Variants in CFAP46 observed in about 807,000 individuals in gnomAD.
CFAP46 encodes cilia and flagella associated protein 46.
A neutral mutation model predicts 325.7 loss-of-function variants in CFAP46; 245 were observed. The ratio of observed to expected loss-of-function variants is 0.75; its 90% CI spans 0.68 to 0.84. The LOEUF (loss-of-function observed/expected upper bound fraction) is 0.84, where lower values mean the gene tolerates loss of function less well. CFAP46 is among the 40% of genes least tolerant of loss of function. The pLI, the probability that CFAP46 is intolerant of heterozygous loss-of-function variation, is 0.00. For missense variants in CFAP46, 3,346 were observed against 3,543.0 expected, an observed-to-expected ratio of 0.94 and a Z score of 1.41; for synonymous variants, 1,523 against 1,495.9, an observed-to-expected ratio of 1.02 and a Z score of -0.42.
At chr10:132,924,041 G>A (rs1451715324) in intron 11 of CFAP46, among the ~76,000 whole-genome samples, 5 of 152,082 alleles carry the variant, frequency 3.3e-5, no homozygotes, top group Non-Finnish European at 5.9e-5. Flanking sequence ...TTGTGCTGAC[G>A]GCAACGAAGA....
intron 7 of CFAP46, among the ~76,000 whole-genome samples, chr10:132,936,313 G>A (rs1275090683): frequency 1.3e-5 from 1 of 77,846 alleles, no homozygotes; most frequent in Non-Finnish European, 2.4e-5. Flanking sequence ...AACACACTGC[G>A]ATCTCCTCAC....
chr10:132,856,747 G>T (rs1848647890), intron 39 of CFAP46, among the ~76,000 whole-genome samples: 1 of 152,154 alleles, frequency 6.6e-6, no homozygotes, highest in Admixed American at 6.5e-5. Context: ...TGTGCCCATT[G>T]ATCAATTTGC....
In CFAP46 at chr10:132,877,862, G is replaced by A. The variant is rs185718393; in HGVS notation, c.4212+19C>T. Reference sequence around the variant, plus strand: ...CCATCCTGGGCCCGGCCTCTGCACCGTGGCCACTTGGGCATCACCTGCTTG... The same window carrying A: ...CCATCCTGGGCCCGGCCTCTGCACCATGGCCACTTGGGCATCACCTGCTTG... On this transcript the variant is annotated intron_variant, in intron 30 of 57. Transcript: ENST00000368586. The surrounding 1 kb of genome is among the most constrained non-coding windows in gnomAD (Gnocchi z 5.7). The A allele has an allele frequency of 1.6e-4, 248 of 1,548,068 alleles. No individual in the cohort carries two copies. Among genetic ancestry groups the A allele is most frequent in the Admixed American group, 4.3e-4 (22 of 50,902 alleles).
chr10:132,899,008 G>T lies in CFAP46; in HGVS notation c.3170C>A (p.Ala1057Asp), dbSNP rs1457247639. Residue 1057 changes from alanine (A) to aspartate (D), a missense_variant, in exon 24 of 58, where the codon GCC becomes GAC. By Grantham distance (126) the Ala-to-Asp change is moderately radical. Coordinates refer to ENST00000368586, the MANE Select transcript of CFAP46 (RefSeq NM_001200049.3). ...SAVYRKKAKG[A>D]LKRLIGIINK... ...GATGATGCCGATGAGCCTCTTCAGG[G>T]CACCCTTGGCCTTCTTCCTGTAGAC... 6.4e-7 allele frequency: 1 copy of T among 1,550,588 alleles called. No homozygotes were observed. The highest frequency in any genetic ancestry group is 1.2e-5 in the South Asian group (1 of 84,068).
chr10:132,867,791 C>A (rs956371241), intron 33 of CFAP46, among the ~76,000 whole-genome samples: 7 of 152,224 alleles, frequency 4.6e-5, no homozygotes, highest in Non-Finnish European at 5.9e-5. Flanking sequence ...GCGTGCCCAG[C>A]CCCGGCCCCG....
At chr10:132,878,367 G>A (rs912804323) in intron 29 of CFAP46, among the ~76,000 whole-genome samples, 3 of 152,180 alleles carry the variant, frequency 2.0e-5, no homozygotes, top group Non-Finnish European at 4.4e-5. Flanking sequence ...GGGACACAGC[G>A]GGACACCCCT....
At chr10:132,923,429 C>G (rs576402045) in intron 11 of CFAP46, among the ~76,000 whole-genome samples, 28 of 143,750 alleles carry the variant, frequency 1.9e-4, no homozygotes, top group Non-Finnish European at 2.4e-4. Context: ...CCTTGAGCAG[C>G]CATGTGGGGG....
chr10:132,824,845 CGCTGATGTGTGTGTGT>C (rs1237275776), intron 50 of CFAP46, among the ~76,000 whole-genome samples: 39 of 112,770 alleles, frequency 3.5e-4, no homozygotes, highest in African/African-American at 1.0e-3. Context: ...GCTGTGTGAG[CGCTGATGTGTGTGTGT>C]GCTGATGTGT....
At position 132,942,183 on chromosome 10, in the gene CFAP46, C is replaced by G. The variant is rs939995558; in HGVS notation, c.50-79G>C. On this transcript the variant is annotated intron_variant, in intron 1 of 57. Transcript: ENST00000368586. ...GCCGGGCAACGCCATCCCGAAGGCC[C>G]CAGGCAGCCGCCTTGGGCCCCCGGG... The G allele has an allele frequency of 4.7e-5, 72 of 1,519,606 alleles. No individual in the cohort carries two copies. The African/African-American group carries it at 9.5e-4, about 20-fold the overall frequency. The allele number at this position is 1,519,606 out of a possible 1,614,324, so 94.1% of individuals were successfully genotyped here.
chr10:132,823,430 T>C (rs1847936999), intron 50 of CFAP46, among the ~76,000 whole-genome samples: 2 of 142,582 alleles, frequency 1.4e-5, no homozygotes, highest in Admixed American at 6.9e-5. Context: ...TGAGTGCTGA[T>C]GTGTGCTGTG....
intron 50 of CFAP46, among the ~76,000 whole-genome samples, chr10:132,823,565 TGTGTGCTGTGTGCTGAC>T (rs1847944876): frequency 1.9e-5 from 2 of 108,086 alleles, no homozygotes; most frequent in Admixed American, 9.1e-5. Context: ...TGTGTGCTGA[TGTGTGCTGTGTGCTGAC>T]GTGTGCTGTG....
In CFAP46 at chr10:132,859,394, A is replaced by G. The variant is rs149070949; in HGVS notation, c.5199-147T>C. The G allele has an allele frequency of 1.6e-3, 1,027 of 654,282 alleles. 2 individuals are homozygous for G. Among genetic ancestry groups the G allele is most frequent in the Admixed American group, 3.9e-3 (129 of 33,022 alleles). The allele number at this position is 654,282 out of a possible 1,614,324, so 40.5% of individuals were successfully genotyped here. On this transcript the variant is annotated intron_variant, in intron 37 of 57. Transcript: ENST00000368586. ...AGCATTTCTCGAAAATCAACATCAT[A>G]TGGGCCTCATTCTGTGATCGCATGT...
At chr10:132,840,258 A>G (rs1848328006) in intron 44 of CFAP46, among the ~76,000 whole-genome samples, 4 of 152,214 alleles carry the variant, frequency 2.6e-5, no homozygotes, top group Admixed American at 2.6e-4. Context: ...TAAGGCTGTC[A>G]AGAACATTCT....
chr10:132,901,501 A>G (rs982537179), intron 22 of CFAP46, among the ~76,000 whole-genome samples: 2 of 152,088 alleles, frequency 1.3e-5, no homozygotes, highest in Non-Finnish European at 1.5e-5. Flanking sequence ...CCACGGCTCT[A>G]CCTCACCTGA....
chr10:132,933,513 C>T (rs1849946056), intron 8 of CFAP46, among the ~76,000 whole-genome samples: 1 of 152,220 alleles, frequency 6.6e-6, no homozygotes, highest in Non-Finnish European at 1.5e-5. Flanking sequence ...AAGACGTAAA[C>T]TCCTTCCAGA....
In CFAP46 at chr10:132,859,158, C is replaced by G; in HGVS notation, c.5288G>C (p.Gly1763Ala). ...CSLLLKEMDDGLLEIERKFID... is the reference protein window; with the variant it reads ...CSLLLKEMDDALLEIERKFID... ...AAACTTTCTCTCAATTTCCAACAGG[C>G]CATCATCCATCTCTTTCAGTAGCAA... Residue 1763 changes from glycine to alanine, a missense_variant, in exon 38 of 58, where the codon GGC becomes GCC. Gly to Ala is a moderately conservative substitution (Grantham distance 60). Transcript: ENST00000368586. The G allele has an allele frequency of 6.4e-7, 1 of 1,550,856 alleles. No homozygotes were observed. Among genetic ancestry groups the G allele is most frequent in the African/African-American group, 1.4e-5 (1 of 73,176 alleles).
intron 25 of CFAP46, among the ~76,000 whole-genome samples, chr10:132,890,636 CT>C (rs2135437009): frequency 6.6e-6 from 1 of 152,202 alleles, no homozygotes; most frequent in Non-Finnish European, 1.5e-5. Context: ...CTCGAGACCC[CT>C]ATCCCCAAAC....
intron 54 of CFAP46, 72 bp from the exon 55 acceptor site, chr10:132,812,969 G>A (rs55790128): frequency 0.022 from 26,711 of 1,206,244 alleles, 376 homozygotes; most frequent in Non-Finnish European, 0.028. Flanking sequence ...CGTTCTTAAA[G>A]CAGGCCACAT....
At chr10:132,935,906 T>C (rs1229231359) in intron 7 of CFAP46, among the ~76,000 whole-genome samples, 8 of 72,468 alleles carry the variant, frequency 1.1e-4, no homozygotes, top group South Asian at 5.7e-4. Flanking sequence ...CCCCTCATCA[T>C]CCAAACACAC....
Sources: allele counts gnomAD v4.1 joint callset (sites outside exome capture counted in the v4.1 genomes callset), GRCh38; gene constraint gnomAD v4.1.1; non-coding constraint Gnocchi (gnomAD v3.1); transcripts MANE v1.5; gene names NCBI Gene and HGNC (gene_info 2026-07-23, HGNC 2026-07-21).